WWOX: variants seen among roughly 807,000 people sequenced by gnomAD.
WWOX encodes the protein WW domain-containing oxidoreductase.
In WWOX, 69 loss-of-function variants were observed where a neutral mutation model predicts 46.2. The observed-to-expected ratio is 1.49, with a 90% CI of 1.23 to 1.82. The LOEUF (loss-of-function observed/expected upper bound fraction) is 1.82. Among genes scored for constraint, WWOX ranks in the 40% most tolerant of loss-of-function variants. The probability of loss-of-function intolerance (pLI) is 0.00; values close to 1 mark genes in which losing one functional copy is unlikely to be tolerated. For missense variants in WWOX, 919 were observed against 542.6 expected (o/e 1.69, Z -6.89); for synonymous variants, 359 against 202.6 (o/e 1.77, Z -6.56).
At chr16:78,707,192 A>G (rs574651260) in intron 8 of WWOX, among the ~76,000 whole-genome samples, 1 of 152,240 alleles carries the variant, frequency 6.6e-6, no homozygotes, top group Admixed American at 6.5e-5. Flanking sequence ...ACCTTCTTTT[A>G]CCACCCCTTA....
chr16:78,877,218 C>G (rs1168093820), intron 8 of WWOX, among the ~76,000 whole-genome samples: 2 of 152,140 alleles, frequency 1.3e-5, no homozygotes, highest in Non-Finnish European at 2.9e-5. Flanking sequence ...CCATTTCAGG[C>G]TGATTAAAAG....
chr16:78,771,373 A>C (rs866752779), intron 8 of WWOX, among the ~76,000 whole-genome samples: 2 of 152,312 alleles, frequency 1.3e-5, no homozygotes, highest in African/African-American at 4.8e-5. Flanking sequence ...TATATGTTCA[A>C]AGGTGGTTAT....
intron 5 of WWOX, among the ~76,000 whole-genome samples, chr16:78,359,353 G>T (rs1006623908): frequency 6.6e-6 from 1 of 152,116 alleles, no homozygotes; most frequent in Non-Finnish European, 1.5e-5. Context: ...AGGCTAATTA[G>T]TAATGTAGCA....
chr16:78,978,505 A>G lies in WWOX; in HGVS notation c.1057-233103A>G, dbSNP rs369585073. Among the ~76,000 whole-genome samples, 18 of 152,306 alleles carry G rather than the reference A, an allele frequency of 1.2e-4. 1 individual carries two copies. Among genetic ancestry groups the G allele is most frequent in the African/African-American group, 2.4e-4 (10 of 41,566 alleles). On this transcript the variant is annotated intron_variant, in intron 8 of 8. Coordinates refer to ENST00000566780, the MANE Select transcript of WWOX (RefSeq NM_016373.4). Reference sequence around the variant, plus strand: ...ACACTGTCACCAACTCTGTCAGTCTATTCTGGCACTGCTATAAAGAAATGC... The same window carrying G: ...ACACTGTCACCAACTCTGTCAGTCTGTTCTGGCACTGCTATAAAGAAATGC...
intron 8 of WWOX, among the ~76,000 whole-genome samples, chr16:78,847,068 C>G (rs993480090): frequency 6.6e-6 from 1 of 152,176 alleles, no homozygotes; most frequent in Non-Finnish European, 1.5e-5. Context: ...TGAGCACTTT[C>G]TTATTTTTTG....
At chr16:78,516,265 TG>T (rs1343450606) in intron 8 of WWOX, among the ~76,000 whole-genome samples, 2 of 152,156 alleles carry the variant, frequency 1.3e-5, no homozygotes, top group African/African-American at 4.8e-5. Flanking sequence ...AGGGAGGGTT[TG>T]CTGTTGGCTT....
At chr16:78,840,470 C>T (rs1371723835) in intron 8 of WWOX, among the ~76,000 whole-genome samples, 3 of 152,126 alleles carry the variant, frequency 2.0e-5, no homozygotes, top group African/African-American at 7.2e-5. Flanking sequence ...GATGGCATGG[C>T]ATGATCCCAC....
chr16:78,663,914 G>T (rs941033421), intron 8 of WWOX, among the ~76,000 whole-genome samples: 1 of 152,190 alleles, frequency 6.6e-6, no homozygotes, highest in Non-Finnish European at 1.5e-5. Context: ...AGCCAACAGG[G>T]ATAATAGACA....
At chr16:79,060,744 T>C (rs1400642855) in intron 8 of WWOX, among the ~76,000 whole-genome samples, 1 of 152,246 alleles carries the variant, frequency 6.6e-6, no homozygotes, top group African/African-American at 2.4e-5. Context: ...AGAATAGCTT[T>C]AGTCCATATT....
At chr16:78,199,147 A>G (rs1365088927) in intron 5 of WWOX, among the ~76,000 whole-genome samples, 1 of 152,166 alleles carries the variant, frequency 6.6e-6, no homozygotes, top group African/African-American at 2.4e-5. Context: ...CCCCGTTTCT[A>G]CTAAAAATAC....
intron 8 of WWOX, among the ~76,000 whole-genome samples, chr16:78,671,075 C>T (rs1421823344): frequency 6.6e-6 from 1 of 152,212 alleles, no homozygotes; most frequent in Non-Finnish European, 1.5e-5. Flanking sequence ...AGAAGGGACT[C>T]AGCCTGCAGA....
At chr16:78,433,394 CCTT>C (rs2083267037) in intron 8 of WWOX, among the ~76,000 whole-genome samples, 1 of 152,268 alleles carries the variant, frequency 6.6e-6, no homozygotes, top group East Asian at 1.9e-4. Context: ...ATATTAAGAA[CCTT>C]CTTCTATGAA....
chr16:78,399,403 A>C (rs1017110786), intron 6 of WWOX, among the ~76,000 whole-genome samples: 3 of 152,192 alleles, frequency 2.0e-5, no homozygotes, highest in African/African-American at 7.2e-5. Flanking sequence ...CATAACCCAA[A>C]GGTTTTCTTA....
chr16:79,018,749 A>T (rs142833991), intron 8 of WWOX, among the ~76,000 whole-genome samples: 1 of 152,118 alleles, frequency 6.6e-6, no homozygotes, highest in African/African-American at 2.4e-5. Flanking sequence ...GGTCTTTCCT[A>T]TTTTCGGCAA....
At chr16:78,507,337 T>G (rs1246894385) in intron 8 of WWOX, among the ~76,000 whole-genome samples, 1 of 152,182 alleles carries the variant, frequency 6.6e-6, no homozygotes, top group Non-Finnish European at 1.5e-5. Flanking sequence ...CAATGCTTAT[T>G]TTAAGCAACT....
At chr16:78,596,294 G>C (rs1199061456) in intron 8 of WWOX, among the ~76,000 whole-genome samples, 2 of 152,154 alleles carry the variant, frequency 1.3e-5, no homozygotes, top group African/African-American at 4.8e-5. Context: ...TTGAGATCCT[G>C]TCTGGCTGGG....
At chr16:78,604,376 C>G (rs192059239) in intron 8 of WWOX, among the ~76,000 whole-genome samples, 205 of 152,146 alleles carry the variant, frequency 1.3e-3, no homozygotes, top group Non-Finnish European at 2.5e-3. Flanking sequence ...TACATGGGCC[C>G]TCGTTTATTC....
intron 8 of WWOX, among the ~76,000 whole-genome samples, chr16:78,655,906 A>G (rs1041011822): frequency 6.6e-6 from 1 of 152,086 alleles, no homozygotes; most frequent in Non-Finnish European, 1.5e-5. Flanking sequence ...CCAGCTCTGT[A>G]TTCGAGCGTG....
At chr16:78,822,861 G>A (rs1031110692) in intron 8 of WWOX, among the ~76,000 whole-genome samples, 1 of 151,340 alleles carries the variant, frequency 6.6e-6, no homozygotes, top group Admixed American at 6.6e-5. Context: ...GTAAATTAGG[G>A]AGGAAGAGCT....
Sources: gnomAD v4.1 joint callset for allele counts (sites outside exome capture counted in the v4.1 genomes callset) on GRCh38, gnomAD v4.1.1 for gene constraint, MANE v1.5 for transcripts, NCBI Gene and HGNC (gene_info 2026-07-23, HGNC 2026-07-21) for gene names.